Variants in TCEA3 observed in about 807,000 individuals in gnomAD.
The protein encoded by TCEA3 is transcription elongation factor A3.
In TCEA3, 36 loss-of-function variants were observed where a neutral mutation model predicts 44.0. The ratio of observed to expected loss-of-function variants is 0.82; its 90% CI spans 0.63 to 1.08. The LOEUF is 1.08. Among genes scored for constraint, TCEA3 ranks in the 50% least tolerant of loss-of-function variants. The pLI, the probability that TCEA3 is intolerant of heterozygous loss-of-function variation, is 0.00. For synonymous variants in TCEA3, 162 were observed against 159.7 expected (o/e 1.01, Z -0.11); for missense variants, 392 against 441.2 (o/e 0.89, Z 1.00).
chr1:23,384,103 T>A, intron 10 of TCEA3: 1 of 1,339,520 alleles, frequency 7.5e-7, no homozygotes, highest in Non-Finnish European at 9.6e-7. Context: ...CATCCTGTGA[T>A]AAAATGTGGG....
chr1:23,416,751 C>T (rs916492782), intron 4 of TCEA3, among the ~76,000 whole-genome samples: 3 of 152,200 alleles, frequency 2.0e-5, no homozygotes, highest in Admixed American at 6.5e-5. Context: ...CTCAGCCTCC[C>T]AAAGTGCTGG....
At chr1:23,412,401 A>G (rs1394819944) in intron 4 of TCEA3, among the ~76,000 whole-genome samples, 416 of 143,348 alleles carry the variant, frequency 2.9e-3, no homozygotes, top group African/African-American at 0.01. Context: ...CTCTGTCTCA[A>G]AAAAAAAAAA....
intron 8 of TCEA3, among the ~76,000 whole-genome samples, chr1:23,388,299 G>A (rs1243833076): frequency 2.0e-5 from 3 of 150,886 alleles, no homozygotes; most frequent in Non-Finnish European, 4.4e-5. Context: ...CTGGGTTCAA[G>A]CGATTCTCCT....
At chr1:23,384,128 C>T (rs1301175733) in intron 10 of TCEA3, 2 of 1,368,040 alleles carry the variant, frequency 1.5e-6, no homozygotes, top group Non-Finnish European at 1.9e-6. Flanking sequence ...TGCCCCCACC[C>T]CAGCTTGGTG....
intron 7 of TCEA3, among the ~76,000 whole-genome samples, chr1:23,396,958 T>G (rs1379574606): frequency 6.8e-6 from 1 of 147,564 alleles, no homozygotes; most frequent in Non-Finnish European, 1.5e-5. Flanking sequence ...TGAGGCGAGA[T>G]TGCGCCATCG....
intron 8 of TCEA3, among the ~76,000 whole-genome samples, chr1:23,392,363 C>CA (rs1639056393): frequency 7.0e-6 from 1 of 142,378 alleles, no homozygotes; most frequent in Non-Finnish European, 1.5e-5. Context: ...ACACATCATA[C>CA]ACACACACTC....
At position 23,382,132 on chromosome 1, in the gene TCEA3, C is replaced by T. The variant is rs571374200; in HGVS notation, c.1039-658G>A. 4.6e-5 allele frequency among the ~76,000 whole-genome samples: 7 copies of T among 151,878 alleles called. No individual in the cohort carries two copies. In the East Asian group the frequency reaches 7.8e-4, roughly 17 times the overall value. Reference sequence around the variant, plus strand: ...CATGATCTTGGCTCACCGCAATCTCCGCCTCCTGAGTTCAAGCGAGTCTCC... The same window carrying T: ...CATGATCTTGGCTCACCGCAATCTCTGCCTCCTGAGTTCAAGCGAGTCTCC... On this transcript the variant is annotated intron_variant, in intron 10 of 10. Coordinates refer to ENST00000450454, the MANE Select transcript of TCEA3 (RefSeq NM_003196.3).
intron 8 of TCEA3, among the ~76,000 whole-genome samples, chr1:23,389,599 G>A (rs1306292921): frequency 6.6e-6 from 1 of 152,082 alleles, no homozygotes; most frequent in East Asian, 1.9e-4. Flanking sequence ...GCAGTGAGCC[G>A]AGATCACGTC....
chr1:23,415,215 G>T (rs1244016182), intron 4 of TCEA3, among the ~76,000 whole-genome samples: 1 of 151,828 alleles, frequency 6.6e-6, no homozygotes, highest in African/African-American at 2.4e-5. Context: ...TAGAGACGGG[G>T]TTTCACCATC....
At chr1:23,403,497 T>C (rs1275226310) in intron 5 of TCEA3, 6 of 152,358 alleles carry the variant, frequency 3.9e-5, no homozygotes, top group Non-Finnish European at 5.9e-5. Flanking sequence ...AAGTATTATG[T>C]ATTTATTGAG....
At chr1:23,415,651 T>C (rs1487930430) in intron 4 of TCEA3, among the ~76,000 whole-genome samples, 3 of 152,170 alleles carry the variant, frequency 2.0e-5, no homozygotes, top group Non-Finnish European at 4.4e-5. Context: ...ATTCAGTAAA[T>C]GTTCACTCCG....
In TCEA3 at chr1:23,412,399, C is replaced by CAA. The variant is rs1267820171; in HGVS notation, c.381-3675_381-3674dup. 5.2e-4 allele frequency among the ~76,000 whole-genome samples: 29 copies of CAA among 55,572 alleles called. No individual in the cohort carries two copies. The South Asian group carries it at 6.7e-3, about 13-fold the overall frequency. The allele number at this position is 55,572 out of a possible 152,430, so 36.5% of individuals were successfully genotyped here. ...TGGGCAACATGGTGAGACTCTGTCT[C>CAA]AAAAAAAAAAAAAAAAAAAATGGCC... is the stretch of plus-strand genomic sequence containing the variant. On this transcript the variant is annotated intron_variant, in intron 4 of 10. Coordinates refer to ENST00000450454, the MANE Select transcript of TCEA3 (RefSeq NM_003196.3).
chr1:23,401,879 T>C (rs981078593), intron 5 of TCEA3, among the ~76,000 whole-genome samples: 16 of 152,002 alleles, frequency 1.1e-4, no homozygotes, highest in African/African-American at 3.1e-4. Context: ...GGTTGCACGC[T>C]CCTTACGAGA....
Position 23,424,745 on chromosome 1 carries a change from C to A in TCEA3, c.-112G>T, listed in dbSNP as rs1426416825. 3 of 702,280 alleles carry A rather than the reference C, an allele frequency of 4.3e-6. No homozygotes were observed. The highest frequency in any genetic ancestry group is 2.8e-5 in the Admixed American group (1 of 36,300). 43.5% of individuals were successfully genotyped at this position (702,280 alleles called of 1,614,324 possible). A position where few individuals can be genotyped will look rare whatever the true frequency, so the allele number is the denominator to read the frequency against. On this transcript the variant is annotated 5_prime_UTR_variant, in exon 1 of 11. Transcript: ENST00000450454. ...AACCCGCGCGGGCCCCAAACACACA[C>A]GACACACACGCCCGGCGGGGGCGGG...
Position 23,417,366 on chromosome 1 carries a change from T to C in TCEA3, c.263A>G (p.Glu88Gly), listed in dbSNP as rs192746462. The C allele has an allele frequency of 5.1e-3, 8,281 of 1,613,884 alleles. 27 individuals carry two copies. The highest frequency in any genetic ancestry group is 5.8e-3 in the Non-Finnish European group (6,865 of 1,179,864). ...LLDSPGPPKGEKGEEREKAKK... is the reference protein window; with the variant it reads ...LLDSPGPPKGGKGEEREKAKK... ...TGCCTTTTCTCTTTCCTCTCCTTTT[T>C]CTCCTTTTGGGGGTCCAGGGGAGTC... is the stretch of plus-strand genomic sequence containing the variant. Residue 88 changes from glutamate to glycine, a missense_variant, in exon 4 of 11, where the codon GAA becomes GGA. Coordinates refer to ENST00000450454, the MANE Select transcript of TCEA3 (RefSeq NM_003196.3).
chr1:23,408,208 T>C (rs1216954430), intron 5 of TCEA3, among the ~76,000 whole-genome samples: 4 of 152,114 alleles, frequency 2.6e-5, no homozygotes, highest in Admixed American at 6.5e-5. Flanking sequence ...GTGATCCGCC[T>C]GCCTCGGCCT....
chr1:23,383,042 G>A (rs1334965503), intron 10 of TCEA3, among the ~76,000 whole-genome samples: 1 of 152,182 alleles, frequency 6.6e-6, no homozygotes, highest in African/African-American at 2.4e-5. Flanking sequence ...CACTTTGGGA[G>A]GCCGAGGCGG....
At chr1:23,411,447 T>A (rs1639703033) in intron 4 of TCEA3, 2 of 189,430 alleles carry the variant, frequency 1.1e-5, no homozygotes, top group South Asian at 2.4e-4. Flanking sequence ...CATGAGTCAC[T>A]GCACCCAGCC....
intron 4 of TCEA3, among the ~76,000 whole-genome samples, chr1:23,411,929 A>G (rs1283433007): frequency 6.6e-6 from 1 of 152,242 alleles, no homozygotes; most frequent in East Asian, 1.9e-4. Context: ...GTGACCTATC[A>G]TATGATTAAC....
Sources: allele counts gnomAD v4.1 joint callset (sites outside exome capture counted in the v4.1 genomes callset), GRCh38; gene constraint gnomAD v4.1.1; transcripts MANE v1.5; gene names NCBI Gene and HGNC (gene_info 2026-07-23, HGNC 2026-07-21).